KLHL29: variants seen among roughly 807,000 people sequenced by gnomAD.
KLHL29 encodes the protein kelch-like protein 29.
KLHL29 carries 21 observed loss-of-function variants against 80.4 expected under a neutral mutation model. The observed-to-expected ratio is 0.26, with a 90% CI of 0.19 to 0.38. The LOEUF is 0.38. Among genes scored for constraint, KLHL29 ranks in the 10% least tolerant of loss-of-function variants. The pLI is 1.00. For missense variants in KLHL29, 867 were observed against 1,223.9 expected (o/e 0.71, Z 4.35); for synonymous variants, 511 against 526.8 (o/e 0.97, Z 0.41).
intron 2 of KLHL29, among the ~76,000 whole-genome samples, chr2:23,559,893 G>A (rs1437944531): frequency 2.6e-5 from 4 of 152,142 alleles, no homozygotes; most frequent in South Asian, 2.1e-4. Context: ...AGAGGAGCCC[G>A]CCAAGGAGAC....
rs780205405 is a variant in KLHL29, at chr2:23,696,286, C to T, written c.1925-47C>T. The T allele has an allele frequency of 1.3e-6, 2 of 1,532,656 alleles. No individual in the cohort carries two copies. Among genetic ancestry groups the T allele is most frequent in the East Asian group, 2.5e-5 (1 of 40,770 alleles). The allele number at this position is 1,532,656 out of a possible 1,614,324, so 94.9% of individuals were successfully genotyped here. A position where few individuals can be genotyped will look rare whatever the true frequency, so the allele number is the denominator to read the frequency against. The stretch of plus-strand genomic sequence containing the variant: ...TGGGGCTGGGCCTGCTGACCCCAGG[C>T]CCCTCCTCACCCCGCCCGCTCTCTC... On this transcript the variant is annotated intron_variant, in intron 10 of 13. Coordinates refer to ENST00000486442, the MANE Select transcript of KLHL29 (RefSeq NM_052920.2). The surrounding 1 kb of genome is among the most constrained non-coding windows in gnomAD (Gnocchi z 5.5).
chr2:23,441,382 T>A (rs1663516660), intron 1 of KLHL29, among the ~76,000 whole-genome samples: 4 of 149,944 alleles, frequency 2.7e-5, no homozygotes, highest in Non-Finnish European at 1.5e-5. Flanking sequence ...TAATGCTAAA[T>A]GATGAGTTAA....
At chr2:23,426,409 G>A (rs899113761) in intron 1 of KLHL29, among the ~76,000 whole-genome samples, 1 of 152,206 alleles carries the variant, frequency 6.6e-6, no homozygotes, top group Non-Finnish European at 1.5e-5. Flanking sequence ...ACCTCCAGGA[G>A]CAGGAGCTCC....
intron 5 of KLHL29, among the ~76,000 whole-genome samples, chr2:23,652,371 A>T (rs1670110337): frequency 6.6e-6 from 1 of 152,186 alleles, no homozygotes. Context: ...TGTCCTGTTA[A>T]ATGGTTAAGA....
intron 1 of KLHL29, among the ~76,000 whole-genome samples, chr2:23,434,043 C>A (rs1024755250): frequency 6.6e-6 from 1 of 151,260 alleles, no homozygotes; most frequent in Non-Finnish European, 1.5e-5. Context: ...AGGCTCCGGC[C>A]GGGCGCGGTG....
intron 1 of KLHL29, among the ~76,000 whole-genome samples, chr2:23,387,405 C>T (rs1051793113): frequency 1.3e-5 from 2 of 152,142 alleles, no homozygotes; most frequent in Non-Finnish European, 2.9e-5. Flanking sequence ...TCTTCCTCGC[C>T]GTGTGGTCTT....
intron 3 of KLHL29, among the ~76,000 whole-genome samples, chr2:23,594,223 G>T (rs1199461182): frequency 6.6e-6 from 1 of 152,150 alleles, no homozygotes; most frequent in Admixed American, 6.5e-5. Flanking sequence ...GTGCTCCGGG[G>T]AGTCGCTGGC....
intron 2 of KLHL29, among the ~76,000 whole-genome samples, chr2:23,524,948 C>T (rs1020752440): frequency 2.0e-5 from 3 of 152,230 alleles, no homozygotes; most frequent in Non-Finnish European, 4.4e-5. Flanking sequence ...CAAACTCTCT[C>T]AGACTTTGGT....
rs182756130 is a variant in KLHL29 at position 23,453,077 on chromosome 2, T to G, written c.-153-22483T>G. 8.2e-4 allele frequency among the ~76,000 whole-genome samples: 124 copies of G among 152,126 alleles called. 1 individual carries two copies. The highest frequency in any genetic ancestry group is 6.5e-3 in the Admixed American group (99 of 15,288). On this transcript the variant is annotated intron_variant, in intron 1 of 13. Transcript: ENST00000486442. The stretch of plus-strand genomic sequence containing the variant: ...AAACTTCTAAAGAACAAGAACTGTG[T>G]TGTCTCCTTTTATAGGAGTGTATGT...
At chr2:23,499,522 G>C (rs773926032) in intron 2 of KLHL29, among the ~76,000 whole-genome samples, 33 of 152,310 alleles carry the variant, frequency 2.2e-4, no homozygotes, top group Middle Eastern at 3.4e-3. Context: ...CCTGGCTCTA[G>C]GGTAGCTATG....
chr2:23,422,643 A>G (rs1201873117), intron 1 of KLHL29, among the ~76,000 whole-genome samples: 6 of 129,668 alleles, frequency 4.6e-5, no homozygotes, highest in South Asian at 5.1e-4. Context: ...TGTGTTGTGT[A>G]TGTGCCTGTG....
chr2:23,675,358 C>T (rs556616790), intron 5 of KLHL29, among the ~76,000 whole-genome samples: 4 of 152,324 alleles, frequency 2.6e-5, no homozygotes, highest in African/African-American at 7.2e-5. Flanking sequence ...CAATGCCCAC[C>T]CTCTGGCCAG....
intron 5 of KLHL29, among the ~76,000 whole-genome samples, chr2:23,662,696 A>G (rs1219939874): frequency 6.6e-6 from 1 of 151,890 alleles, no homozygotes; most frequent in African/African-American, 2.4e-5. Context: ...TGCCCCTCCC[A>G]GGGGTCCCAC....
chr2:23,458,763 A>G (rs1417076472), intron 1 of KLHL29, among the ~76,000 whole-genome samples: 1 of 152,176 alleles, frequency 6.6e-6, no homozygotes, highest in African/African-American at 2.4e-5. Flanking sequence ...AGGAATGGAA[A>G]GAAGGCCAGT....
At chr2:23,557,263 C>T (rs1038127588) in intron 2 of KLHL29, among the ~76,000 whole-genome samples, 1 of 152,212 alleles carries the variant, frequency 6.6e-6, no homozygotes, top group African/African-American at 2.4e-5. Context: ...TGGCTCGGTG[C>T]CCAGCAGAAA....
At chr2:23,642,202 C>A in intron 4 of KLHL29, 136 bp from the exon 5 acceptor site, 1 of 770,700 alleles carries the variant, frequency 1.3e-6, no homozygotes. Context: ...ATCACAGATT[C>A]CTAATCGGTC....
chr2:23,582,319 A>T (rs544023159), intron 3 of KLHL29, among the ~76,000 whole-genome samples: 2 of 152,328 alleles, frequency 1.3e-5, no homozygotes, highest in Admixed American at 1.3e-4. Flanking sequence ...AAAATCTCAG[A>T]AATAAAGTAG....
At chr2:23,683,865 C>T (rs1671161243) in intron 5 of KLHL29, among the ~76,000 whole-genome samples, 3 of 152,286 alleles carry the variant, frequency 2.0e-5, no homozygotes, top group East Asian at 1.9e-4. Flanking sequence ...CCTCCTTTCT[C>T]GGGGTCTCCT....
intron 2 of KLHL29, among the ~76,000 whole-genome samples, chr2:23,476,375 T>A (rs956353944): frequency 6.6e-6 from 1 of 152,174 alleles, no homozygotes; most frequent in Non-Finnish European, 1.5e-5. Context: ...TTTTAAAGGA[T>A]AGTAGCTAAA....
Sources: allele counts gnomAD v4.1 joint callset (sites outside exome capture counted in the v4.1 genomes callset), GRCh38; gene constraint gnomAD v4.1.1; non-coding constraint Gnocchi (gnomAD v3.1); transcripts MANE v1.5; gene names NCBI Gene and HGNC (gene_info 2026-07-23, HGNC 2026-07-21).